The following TENM4 variants were observed in gnomAD, a reference collection of about 807,000 sequenced individuals.
The protein encoded by TENM4 is teneurin-4.
Under a neutral mutation model 243.3 loss-of-function variants are expected in TENM4, and 82 were observed. That is an observed-to-expected ratio of 0.34 (90% confidence interval 0.28 to 0.40). The LOEUF is 0.40. TENM4 is among the 10% of genes least tolerant of loss of function. TENM4 has a pLI of 1.00. For synonymous variants in TENM4, 1,412 were observed against 1,456.3 expected (o/e 0.97, Z 0.69); for missense variants, 3,138 against 3,673.3 (o/e 0.85, Z 3.77).
chr11:79,224,130 T>C (rs1298664259), intron 2 of TENM4, among the ~76,000 whole-genome samples: 1 of 152,084 alleles, frequency 6.6e-6, no homozygotes, highest in East Asian at 1.9e-4. Context: ...AGATGTGGAG[T>C]GTAAGACAGG....
intron 28 of TENM4, among the ~76,000 whole-genome samples, chr11:78,691,669 A>G (rs1858828922): frequency 6.6e-6 from 1 of 152,230 alleles, no homozygotes; most frequent in Non-Finnish European, 1.5e-5. Context: ...TTGATCCTAA[A>G]GAAGATACAA....
chr11:78,774,135 TGA>T (rs1374398786), intron 17 of TENM4, among the ~76,000 whole-genome samples: 3 of 152,180 alleles, frequency 2.0e-5, no homozygotes, highest in African/African-American at 7.2e-5. Flanking sequence ...AAAGAGTATG[TGA>T]GAGTATTAAA....
At chr11:79,402,900 T>A (rs972386013) in intron 1 of TENM4, among the ~76,000 whole-genome samples, 1 of 152,246 alleles carries the variant, frequency 6.6e-6, no homozygotes, top group African/African-American at 2.4e-5. Flanking sequence ...AATAAATTCT[T>A]GTTGAACTGA....
chr11:78,919,197 A>G (rs1856390188), intron 6 of TENM4, among the ~76,000 whole-genome samples: 1 of 152,218 alleles, frequency 6.6e-6, no homozygotes, highest in African/African-American at 2.4e-5. Flanking sequence ...CTTTACATGC[A>G]TGAACTTATT....
chr11:78,892,732 C>T (rs482065), intron 7 of TENM4, among the ~76,000 whole-genome samples: 120,618 of 152,150 alleles, frequency 0.79, 50,267 homozygotes, highest in Non-Finnish European at 0.92. Flanking sequence ...AATTTTATTC[C>T]TCACAATAAC....
intron 14 of TENM4, 150 bp from the exon 15 acceptor site, chr11:78,805,642 G>A: frequency 2.2e-6 from 2 of 920,954 alleles, no homozygotes; most frequent in South Asian, 1.6e-5. Context: ...GAGCAGTACT[G>A]CGGCAAATGG....
At chr11:78,964,475 T>C (rs1314010601) in intron 6 of TENM4, among the ~76,000 whole-genome samples, 2 of 152,190 alleles carry the variant, frequency 1.3e-5, no homozygotes, top group African/African-American at 4.8e-5. Context: ...CAGAAATAAA[T>C]GACCAAGGTA....
chr11:78,741,623 T>C (rs978719702), intron 19 of TENM4, among the ~76,000 whole-genome samples: 2 of 152,254 alleles, frequency 1.3e-5, no homozygotes, highest in Non-Finnish European at 1.5e-5. Context: ...TTTTTAATAA[T>C]GGCTGTGTTT....
intron 15 of TENM4, among the ~76,000 whole-genome samples, chr11:78,803,035 CT>C (rs1203400554): frequency 1.5e-3 from 221 of 143,892 alleles, no homozygotes; most frequent in Non-Finnish European, 1.6e-3. Context: ...TTTTTCTTTT[CT>C]TTTTTTTTTT....
At chr11:78,751,370 G>A (rs1375935374) in intron 19 of TENM4, among the ~76,000 whole-genome samples, 1 of 152,108 alleles carries the variant, frequency 6.6e-6, no homozygotes, top group Non-Finnish European at 1.5e-5. Flanking sequence ...AGTGTCTCCT[G>A]TCAGCTGAGT....
At chr11:79,278,813 C>G (rs1033828030) in intron 2 of TENM4, among the ~76,000 whole-genome samples, 2 of 152,130 alleles carry the variant, frequency 1.3e-5, no homozygotes, top group African/African-American at 4.8e-5. Flanking sequence ...GAGGGACAGA[C>G]AAGCGCAATG....
intron 3 of TENM4, among the ~76,000 whole-genome samples, chr11:79,154,051 C>G (rs1467394387): frequency 6.6e-6 from 1 of 152,082 alleles, no homozygotes; most frequent in Non-Finnish European, 1.5e-5. Flanking sequence ...TTATGTCACC[C>G]CTTGTTCAAG....
intron 6 of TENM4, among the ~76,000 whole-genome samples, chr11:78,993,298 A>T (rs949371212): frequency 6.6e-6 from 1 of 152,136 alleles, no homozygotes; most frequent in Non-Finnish European, 1.5e-5. Flanking sequence ...AGGGGAATTT[A>T]TGTCTTTTTC....
chr11:79,081,735 A>G (rs1250527096), intron 4 of TENM4, among the ~76,000 whole-genome samples: 1 of 152,102 alleles, frequency 6.6e-6, no homozygotes, highest in Non-Finnish European at 1.5e-5. Context: ...TGGCTGACAC[A>G]GGTTTCAATT....
rs369792880 is a variant in TENM4, at chr11:78,672,091, C to T, written c.5735G>A (p.Arg1912His). 130 of 1,613,848 alleles carry T rather than the reference C, an allele frequency of 8.1e-5. No individual in the cohort carries two copies. Among genetic ancestry groups the T allele is most frequent in the South Asian group, 2.4e-4 (22 of 91,056 alleles). The stretch of plus-strand genomic sequence containing the variant: ...ATCAGCGAAGATCCTGGATGTGATG[C>T]GGCCCGCCTGGTCGTATTCCATTCT... ...SERMEYDQAGRITSRIFADGK... is the reference protein window; with the variant it reads ...SERMEYDQAGHITSRIFADGK... The change falls in exon 31 of 34, where the codon CGC becomes CAC. Residue 1912 changes from arginine (R) to histidine (H), a missense_variant. By Grantham distance (29) the Arg-to-His change is conservative. Transcript: ENST00000278550.
chr11:79,003,148 T>C (rs1858377264), intron 6 of TENM4, among the ~76,000 whole-genome samples: 1 of 152,036 alleles, frequency 6.6e-6, no homozygotes, highest in African/African-American at 2.4e-5. Context: ...TTAAGAAATA[T>C]GGAATTGTGT....
intron 4 of TENM4, among the ~76,000 whole-genome samples, chr11:79,116,186 T>C (rs931186690): frequency 1.3e-5 from 2 of 152,230 alleles, no homozygotes; most frequent in African/African-American, 4.8e-5. Context: ...CCTCAGAATG[T>C]TGTTGGGTGG....
intron 3 of TENM4, among the ~76,000 whole-genome samples, chr11:79,175,574 G>T (rs969177710): frequency 6.6e-6 from 1 of 152,136 alleles, no homozygotes; most frequent in Non-Finnish European, 1.5e-5. Context: ...GTTGTTAAAT[G>T]AAAAAGAAGA....
Position 79,139,049 on chromosome 11 carries a change from AAAATATATATTATATTTCTAT to A in TENM4, c.-66+9640_-66+9660del, listed in dbSNP as rs1396110698. ...ATATATTATATTTCTATAAATATAT[AAAATATATATTATATTTCTAT>A]AAATATATATTATATTTCTATAAAT... On this transcript the variant is annotated intron_variant, in intron 4 of 33. Coordinates refer to ENST00000278550, the MANE Select transcript of TENM4 (RefSeq NM_001098816.3). Among the ~76,000 whole-genome samples, 71 of 31,478 alleles carry A rather than the reference AAAATATATATTATATTTCTAT, an allele frequency of 2.3e-3. 6 individuals carry two copies. The highest frequency in any genetic ancestry group is 0.045 in the Middle Eastern group (1 of 22). The allele number at this position is 31,478 out of a possible 152,430, so 20.7% of individuals were successfully genotyped here.
Sources: allele counts gnomAD v4.1 joint callset (sites outside exome capture counted in the v4.1 genomes callset), GRCh38; gene constraint gnomAD v4.1.1; transcripts MANE v1.5; gene names NCBI Gene and HGNC (gene_info 2026-07-23, HGNC 2026-07-21).